The following HELLS variants were observed in gnomAD, a reference collection of about 807,000 sequenced individuals.
HELLS encodes the protein lymphoid-specific helicase.
A neutral mutation model predicts 120.0 loss-of-function variants in HELLS; 32 were observed. That is an observed-to-expected ratio of 0.27 (90% CI 0.20 to 0.36). The LOEUF (loss-of-function observed/expected upper bound fraction) is 0.36. HELLS is among the 10% of genes least tolerant of loss of function. The pLI is 1.00. For missense variants in HELLS, 650 were observed against 993.4 expected, an observed-to-expected ratio of 0.65 and a Z score of 4.65; for synonymous variants, 341 against 323.4, an observed-to-expected ratio of 1.05 and a Z score of -0.58.
chr10:94,607,492 A>G (rs924766901), intron 8 of HELLS, among the ~76,000 whole-genome samples: 2 of 152,216 alleles, frequency 1.3e-5, no homozygotes, highest in African/African-American at 2.4e-5. Context: ...CTTGTCTTAC[A>G]TGAAAAATTA....
intron 7 of HELLS, among the ~76,000 whole-genome samples, chr10:94,573,353 G>A (rs1844274121): frequency 6.6e-6 from 1 of 152,112 alleles, no homozygotes; most frequent in African/African-American, 2.4e-5. Flanking sequence ...AAATTATTGA[G>A]TATCACAATA....
chr10:94,545,850 T>G lies in HELLS; in HGVS notation c.-72T>G. On this transcript the variant is annotated 5_prime_UTR_variant, in exon 1 of 22. Transcript: ENST00000348459. ...GGCTAGAAGGCTGGGCCGGCAGCGG[T>G]TGTGAGGAGTTAGCTCGCGGCATTG... is the stretch of plus-strand genomic sequence containing the variant. 1 of 1,483,964 alleles carries G rather than the reference T, an allele frequency of 6.7e-7. No homozygotes were observed. Among genetic ancestry groups the G allele is most frequent in the Non-Finnish European group, 9.2e-7 (1 of 1,085,340 alleles). The allele number at this position is 1,483,964 out of a possible 1,614,324, so 91.9% of individuals were successfully genotyped here.
intron 11 of HELLS, 88 bp downstream of exon 11, chr10:94,581,610 G>C: frequency 1.1e-6 from 1 of 941,846 alleles, no homozygotes; most frequent in South Asian, 1.8e-5. Context: ...GAATTAAAAT[G>C]CCAAATATTT....
rs1160528031 is a variant in HELLS, at chr10:94,593,511, A to C, written c.1984A>C (p.Asn662His). The stretch of plus-strand genomic sequence containing the variant: ...TTTTTGCTTTTAGATGCACAGCTTC[A>C]ACACGGATCCAGAGGTGTTTATCTT... ...SEREKNMHSF[N>H]TDPEVFIFLV... Residue 662 changes from asparagine to histidine, a missense_variant, in exon 18 of 22, where the codon AAC becomes CAC. This residue lies in a region of HELLS where 191 missense variants were observed against 259.7 expected (regional missense o/e 0.74). Coordinates refer to ENST00000348459, the MANE Select transcript of HELLS (RefSeq NM_018063.5). 6.2e-7 allele frequency: 1 copy of C among 1,611,492 alleles called. No homozygotes were observed. Among genetic ancestry groups the C allele is most frequent in the South Asian group, 1.1e-5 (1 of 91,026 alleles).
intron 13 of HELLS, 86 bp from the exon 14 acceptor site, chr10:94,590,327 C>A: frequency 9.0e-7 from 1 of 1,106,754 alleles, no homozygotes; most frequent in Non-Finnish European, 1.3e-6. Flanking sequence ...TCATTTTGTA[C>A]ATAAAATATG....
chr10:94,601,645 T>C lies in HELLS; in HGVS notation c.*23T>C. 1 of 1,246,276 alleles carries C rather than the reference T, an allele frequency of 8.0e-7. No homozygotes were observed. 77.2% of individuals were successfully genotyped at this position (1,246,276 alleles called of 1,614,324 possible). ...TAAAGTGGAGCTCAAGAATAGCTTT[T>C]AAAAGTTCTTATTTACATCTAGTGA... is the stretch of plus-strand genomic sequence containing the variant. On this transcript the variant is annotated 3_prime_UTR_variant, in exon 22 of 22. Transcript: ENST00000348459.
chr10:94,579,691 G>A (rs1238115287), intron 10 of HELLS, among the ~76,000 whole-genome samples: 2 of 151,810 alleles, frequency 1.3e-5, no homozygotes, highest in African/African-American at 2.4e-5. Flanking sequence ...ACAGGCGTCC[G>A]TCATCACACC....
intron 12 of HELLS, chr10:94,584,063 G>T: frequency 1.5e-6 from 2 of 1,358,508 alleles, no homozygotes; most frequent in Non-Finnish European, 2.0e-6. Flanking sequence ...CTCCAGAAAA[G>T]ATTTATATGA....
downstream of HELLS, among the ~76,000 whole-genome samples, chr10:94,606,004 T>G (rs1846124721): frequency 6.6e-6 from 1 of 152,024 alleles, no homozygotes; most frequent in South Asian, 2.1e-4. Flanking sequence ...GCTTCCAGTG[T>G]TTCTTTGTCT....
chr10:94,549,064 G>C (rs1353405680), intron 2 of HELLS, among the ~76,000 whole-genome samples: 1 of 152,094 alleles, frequency 6.6e-6, no homozygotes, highest in Non-Finnish European at 1.5e-5. Flanking sequence ...TAGTGTTGTG[G>C]TTTCGTATTA....
chr10:94,586,470 C>T (rs952907738), intron 12 of HELLS, among the ~76,000 whole-genome samples: 1 of 152,138 alleles, frequency 6.6e-6, no homozygotes, highest in African/African-American at 2.4e-5. Context: ...TTCCTGATTG[C>T]CTGTCGGCAT....
chr10:94,574,494 A>G, intron 8 of HELLS, 60 bp from the exon 9 acceptor site: 3 of 1,242,778 alleles, frequency 2.4e-6, no homozygotes, highest in Non-Finnish European at 3.5e-6. Flanking sequence ...GAAATAAAAT[A>G]TTGTAATCCT....
At chr10:94,574,877 G>T in intron 9 of HELLS, 141 bp downstream of exon 9, 2 of 611,964 alleles carry the variant, frequency 3.3e-6, no homozygotes, top group Non-Finnish European at 5.5e-6. Flanking sequence ...TACTCAATCT[G>T]CACAATACCC....
At chr10:94,583,988 G>T in intron 12 of HELLS, 1 of 615,650 alleles carries the variant, frequency 1.6e-6, no homozygotes, top group South Asian at 2.1e-5. Context: ...ATTTCCTTAG[G>T]AAAGAATTCC....
chr10:94,546,504 T>G lies in HELLS; in HGVS notation c.153+6T>G. ...AGCGGAAGATGCTGGAAAAGGTAATTTAGGCATCAGGTTCGTCGTCGTGAA... is the reference window on the plus strand; with the variant it reads ...AGCGGAAGATGCTGGAAAAGGTAATGTAGGCATCAGGTTCGTCGTCGTGAA... On this transcript the variant is annotated splice_donor_region_variant and intron_variant, in intron 2 of 21. Coordinates refer to ENST00000348459, the MANE Select transcript of HELLS (RefSeq NM_018063.5). The G allele has an allele frequency of 1.2e-6, 2 of 1,613,928 alleles. No homozygotes were observed. Among genetic ancestry groups the G allele is most frequent in the Non-Finnish European group, 1.7e-6 (2 of 1,179,988 alleles).
intron 6 of HELLS, among the ~76,000 whole-genome samples, chr10:94,563,105 T>A (rs1455304292): frequency 7.0e-6 from 1 of 142,570 alleles, no homozygotes; most frequent in East Asian, 2.0e-4. Context: ...CTTCATAGAC[T>A]TTTTTTTTTT....
intron 6 of HELLS, among the ~76,000 whole-genome samples, chr10:94,567,879 A>G (rs188315031): frequency 2.6e-3 from 382 of 149,558 alleles, no homozygotes; most frequent in African/African-American, 9.1e-3. Flanking sequence ...ACTGCACTGC[A>G]GCATGGGCAA....
chr10:94,613,813 T>C (rs997025691), exon 10 of HELLS: 5 of 152,204 alleles, frequency 3.3e-5, no homozygotes, highest in African/African-American at 1.2e-4. Context: ...ATGCTTCCAG[T>C]TGTACTTGAA....
rs150576597 is a variant in HELLS at position 94,601,597 on chromosome 10, A to T, written c.2492A>T (p.Asp831Val). Residue 831 changes from aspartate (D) to valine (V), a missense_variant, in exon 22 of 22, where the codon GAT becomes GTT. By Grantham distance (152) the Asp-to-Val change is radical. Coordinates refer to ENST00000348459, the MANE Select transcript of HELLS (RefSeq NM_018063.5). ...TTCAAGATATTAGAAAATTCTGAAG[A>T]TTCCAGTCCTGAATGTTTGTTTTAA... Reference protein sequence around the residue: ...GIFKILENSEDSSPECLF With the variant: ...GIFKILENSEVSSPECLF 3.0e-4 allele frequency: 469 copies of T among 1,577,162 alleles called. No homozygotes were observed. Among genetic ancestry groups the T allele is most frequent in the Non-Finnish European group, 3.8e-4 (437 of 1,151,966 alleles).
Sources: allele counts gnomAD v4.1 joint callset (sites outside exome capture counted in the v4.1 genomes callset), GRCh38; gene constraint gnomAD v4.1.1; regional missense constraint gnomAD v4.1.1; transcripts MANE v1.5; gene names NCBI Gene and HGNC (gene_info 2026-07-23, HGNC 2026-07-21).